Variants in SERBP1 observed in about 807,000 individuals in gnomAD.
The protein encoded by SERBP1 is SERPINE1 mRNA binding protein 1, also known as SERPINE1 mRNA-binding protein 1.
A neutral mutation model predicts 50.2 loss-of-function variants in SERBP1; 6 were observed. The ratio of observed to expected loss-of-function variants is 0.12; its 90% CI spans 0.07 to 0.24. The LOEUF (loss-of-function observed/expected upper bound fraction) is 0.24, where lower values mean the gene tolerates loss of function less well. Among genes scored for constraint, SERBP1 ranks in the 10% least tolerant of loss-of-function variants. SERBP1 has a pLI of 1.00. For synonymous variants in SERBP1, 168 were observed against 182.8 expected (o/e 0.92, Z 0.65); for missense variants, 346 against 524.9 (o/e 0.66, Z 3.33).
intron 1 of SERBP1, 111 bp downstream of exon 1, chr1:67,429,877 G>A: frequency 8.4e-7 from 1 of 1,184,520 alleles, no homozygotes; most frequent in Non-Finnish European, 1.2e-6. Context: ...TGAGGATATA[G>A]GCGGCAAAGT....
chr1:67,419,507 G>A (rs1667136192), intron 6 of SERBP1, among the ~76,000 whole-genome samples: 1 of 152,132 alleles, frequency 6.6e-6, no homozygotes, highest in Non-Finnish European at 1.5e-5. Flanking sequence ...TCATTCCTTA[G>A]ACAAAATGCA....
intron 5 of SERBP1, 192 bp from the exon 6 acceptor site, chr1:67,420,378 T>C (rs980508741): frequency 1.9e-6 from 1 of 516,048 alleles, no homozygotes; most frequent in Non-Finnish European, 3.4e-6. Context: ...TGTTTGCTAA[T>C]TAGAGACAAG....
chr1:67,426,045 G>A, intron 2 of SERBP1, 90 bp downstream of exon 2: 1 of 1,070,790 alleles, frequency 9.3e-7, no homozygotes, highest in Non-Finnish European at 1.3e-6. Flanking sequence ...AGCCCAGGAA[G>A]CAGAGGCTGC....
intron 5 of SERBP1, among the ~76,000 whole-genome samples, 196 bp downstream of exon 5, chr1:67,424,004 G>A (rs1374802678): frequency 6.6e-6 from 1 of 152,142 alleles, no homozygotes; most frequent in South Asian, 2.1e-4. Context: ...GCAATATAGT[G>A]AGACCCTGTC....
At chr1:67,426,632 GAT>G (rs1667390786) in intron 1 of SERBP1, among the ~76,000 whole-genome samples, 2 of 152,246 alleles carry the variant, frequency 1.3e-5, no homozygotes, top group South Asian at 2.1e-4. Context: ...CACTTTCCAA[GAT>G]AGTCTCTTAA....
intron 6 of SERBP1, 66 bp downstream of exon 6, chr1:67,419,943 C>G: frequency 6.9e-7 from 1 of 1,450,108 alleles, no homozygotes; most frequent in African/African-American, 1.4e-5. Flanking sequence ...AATTTTAAAA[C>G]AAAAATTATA....
chr1:67,417,930 CATTTGTCACGAGA>C (rs1276713110), intron 6 of SERBP1, among the ~76,000 whole-genome samples: 16 of 148,444 alleles, frequency 1.1e-4, no homozygotes, highest in Admixed American at 2.7e-4. Flanking sequence ...AACTACCTCA[CATTTGTCACGAGA>C]ATGAAGACAT....
chr1:67,419,071 G>T (rs1473964798), intron 6 of SERBP1, among the ~76,000 whole-genome samples: 1 of 152,206 alleles, frequency 6.6e-6, no homozygotes, highest in Non-Finnish European at 1.5e-5. Flanking sequence ...AGCCATCAAT[G>T]TGACTTTCTC....
At chr1:67,427,116 C>T (rs1204162058) in intron 1 of SERBP1, among the ~76,000 whole-genome samples, 1 of 151,124 alleles carries the variant, frequency 6.6e-6, no homozygotes, top group Non-Finnish European at 1.5e-5. Flanking sequence ...AAAATTTGCC[C>T]TAACAACTAT....
At chr1:67,426,827 T>C (rs1318179570) in intron 1 of SERBP1, among the ~76,000 whole-genome samples, 1 of 151,970 alleles carries the variant, frequency 6.6e-6, no homozygotes, top group African/African-American at 2.4e-5. Flanking sequence ...AAAAATGCAA[T>C]TAAGACTCAT....
rs1483713978 is a variant in SERBP1 at position 67,426,216 on chromosome 1, G to C, written c.383C>G (p.Pro128Arg). The C allele has an allele frequency of 1.9e-6, 3 of 1,610,104 alleles. No homozygotes were observed. The highest frequency in any genetic ancestry group is 2.5e-6 in the Non-Finnish European group (3 of 1,178,332). ...QGEGKIIDRR[P>R]ERRPPRERRF... ...TCGTTCACGAGGTGGTCGCCTTTCT[G>C]GTCTTCTATCAATTATTTTCCCTTC... The change falls in exon 2 of 8, where the codon CCA becomes CGA. Residue 128 changes from proline (P) to arginine (R), a missense_variant. This residue lies in a region of SERBP1 where 257 missense variants were observed against 331.2 expected (regional missense o/e 0.78). Coordinates refer to ENST00000361219, the MANE Select transcript of SERBP1 (RefSeq NM_001018069.2).
chr1:67,418,616 G>C (rs537924624), intron 6 of SERBP1, among the ~76,000 whole-genome samples: 1 of 151,954 alleles, frequency 6.6e-6, no homozygotes, highest in Non-Finnish European at 1.5e-5. Context: ...AACATTATCC[G>C]GGCATGGTGG....
At position 67,411,963 on chromosome 1, in the gene SERBP1, AGAGAT is replaced by A. The variant is rs1666859373; in HGVS notation, c.*1239_*1243del. 2.4e-5 allele frequency: 3 copies of A among 126,710 alleles called. No homozygotes were observed. In the South Asian group the frequency reaches 7.3e-4, roughly 31 times the overall value. The allele number at this position is 126,710 out of a possible 1,614,324, so 7.8% of individuals were successfully genotyped here. The stretch of plus-strand genomic sequence containing the variant: ...TAATTTTCTAATGGAGGAAGAGAGA[AGAGAT>A]AATTACCACTTTCTGTGGAATACTC... On this transcript the variant is annotated 3_prime_UTR_variant, in exon 8 of 8. Coordinates refer to ENST00000361219, the MANE Select transcript of SERBP1 (RefSeq NM_001018069.2).
At chr1:67,424,388 C>G in intron 4 of SERBP1, 111 bp from the exon 5 acceptor site, 3 of 1,375,528 alleles carry the variant, frequency 2.2e-6, no homozygotes, top group Non-Finnish European at 2.0e-6. Flanking sequence ...GTTCTTCATA[C>G]AAAAATACCA....
intron 5 of SERBP1, among the ~76,000 whole-genome samples, chr1:67,420,746 C>T (rs1667173861): frequency 6.6e-6 from 1 of 152,190 alleles, no homozygotes; most frequent in Non-Finnish European, 1.5e-5. Flanking sequence ...ATCCTAAAAT[C>T]CTTATACTCC....
intron 6 of SERBP1, among the ~76,000 whole-genome samples, chr1:67,416,312 T>G (rs1052398665): frequency 6.6e-6 from 1 of 152,210 alleles, no homozygotes; most frequent in African/African-American, 2.4e-5. Flanking sequence ...CATGCCCAGC[T>G]AGAAACTTCT....
intron 5 of SERBP1, 57 bp downstream of exon 5, chr1:67,424,143 G>A (rs201822444): frequency 1.3e-6 from 2 of 1,533,820 alleles, no homozygotes; most frequent in Admixed American, 2.1e-5. Context: ...TATCTTATTG[G>A]TAAAACTCCA....
chr1:67,420,768 C>T (rs1667174383), intron 5 of SERBP1, among the ~76,000 whole-genome samples: 1 of 152,128 alleles, frequency 6.6e-6, no homozygotes, highest in Non-Finnish European at 1.5e-5. Context: ...ATTTTCAAAC[C>T]AACCTGTATA....
At chr1:67,418,245 G>C (rs1193757085) in intron 6 of SERBP1, among the ~76,000 whole-genome samples, 1 of 151,714 alleles carries the variant, frequency 6.6e-6, no homozygotes, top group Non-Finnish European at 1.5e-5. Flanking sequence ...AAAAGTGCTG[G>C]GATTACAGGT....
Sources: gnomAD v4.1 joint callset for allele counts (sites outside exome capture counted in the v4.1 genomes callset) on GRCh38, gnomAD v4.1.1 for gene constraint, gnomAD v4.1.1 regional missense constraint, MANE v1.5 for transcripts, NCBI Gene and HGNC (gene_info 2026-07-23, HGNC 2026-07-21) for gene names.